The following APP variants were observed in gnomAD, a reference collection of about 807,000 sequenced individuals.
The protein encoded by APP is amyloid-beta precursor protein.
In APP, 31 loss-of-function variants were observed where a neutral mutation model predicts 101.4. That is an observed-to-expected ratio of 0.31 (90% CI 0.23 to 0.41). APP has a LOEUF of 0.41. APP is among the 10% of genes least tolerant of loss of function. The pLI is 1.00. For missense variants in APP, 839 were observed against 1,003.7 expected, an observed-to-expected ratio of 0.84 and a Z score of 2.22; for synonymous variants, 366 against 364.4, an observed-to-expected ratio of 1.00 and a Z score of -0.05.
intron 13 of APP, among the ~76,000 whole-genome samples, chr21:25,947,360 C>A (rs1474915767): frequency 6.6e-6 from 1 of 152,192 alleles, no homozygotes; most frequent in Non-Finnish European, 1.5e-5. Context: ...AGTCTGCAGA[C>A]AGACCAGTTG....
At chr21:26,085,138 T>C (rs566465847) in intron 3 of APP, among the ~76,000 whole-genome samples, 1 of 152,308 alleles carries the variant, frequency 6.6e-6, no homozygotes, top group African/African-American at 2.4e-5. Context: ...ATGTTTTCTT[T>C]TACTTAGTAT....
intron 5 of APP, among the ~76,000 whole-genome samples, chr21:26,049,222 A>G (rs1259405079): frequency 6.6e-6 from 1 of 152,144 alleles, no homozygotes; most frequent in Non-Finnish European, 1.5e-5. Context: ...AAGGGAGAGG[A>G]GATGATTGAG....
chr21:25,991,625 G>T (rs545821572), intron 8 of APP, among the ~76,000 whole-genome samples: 1 of 152,126 alleles, frequency 6.6e-6, no homozygotes, highest in Non-Finnish European at 1.5e-5. Context: ...TGATCTGCCC[G>T]CCTCGGCCTC....
chr21:25,913,525 A>C (rs1009775886), intron 13 of APP, among the ~76,000 whole-genome samples: 1 of 152,244 alleles, frequency 6.6e-6, no homozygotes, highest in Non-Finnish European at 1.5e-5. Flanking sequence ...CTTTTATATA[A>C]ATCTTTTGCT....
At chr21:26,016,750 T>G (rs939187938) in intron 6 of APP, among the ~76,000 whole-genome samples, 3 of 152,156 alleles carry the variant, frequency 2.0e-5, no homozygotes, top group African/African-American at 7.2e-5. Context: ...TTTTGTATCT[T>G]TAGTACAGAT....
intron 8 of APP, among the ~76,000 whole-genome samples, chr21:25,985,579 C>T (rs979501993): frequency 3.3e-5 from 5 of 152,120 alleles, no homozygotes; most frequent in African/African-American, 1.2e-4. Context: ...ATCATACCAC[C>T]AGCTCTCCTG....
chr21:26,132,170 C>T (rs1601539185), intron 1 of APP, among the ~76,000 whole-genome samples: 2 of 152,060 alleles, frequency 1.3e-5, no homozygotes, highest in Non-Finnish European at 2.9e-5. Context: ...TTGCTATGAT[C>T]GAGCCTGTGA....
At chr21:26,080,279 A>G (rs1354029532) in intron 3 of APP, among the ~76,000 whole-genome samples, 1 of 152,196 alleles carries the variant, frequency 6.6e-6, no homozygotes, top group Middle Eastern at 3.2e-3. Context: ...TCTCTTGGAG[A>G]AAGCTACAAC....
intron 5 of APP, among the ~76,000 whole-genome samples, chr21:26,038,680 C>T (rs1034251737): frequency 2.0e-5 from 3 of 152,136 alleles, no homozygotes; most frequent in Admixed American, 2.0e-4. Context: ...AGGAGAATTG[C>T]TTGAACTCAG....
chr21:26,104,802 A>T (rs1158320766), intron 2 of APP, among the ~76,000 whole-genome samples: 1 of 152,224 alleles, frequency 6.6e-6, no homozygotes, highest in Non-Finnish European at 1.5e-5. Flanking sequence ...TTGGAAAAAC[A>T]AATTAAACAA....
Position 25,955,772 on chromosome 21 carries a change from A to G in APP, c.1459-17T>C. 2 of 1,614,086 alleles carry G rather than the reference A, an allele frequency of 1.2e-6. No homozygotes were observed. Among genetic ancestry groups the G allele is most frequent in the Non-Finnish European group, 1.7e-6 (2 of 1,179,964 alleles). ...GTGACGAGGCTGTGGGAGGAAAATG[A>G]AAAACTCTTTTTCAAGTTTGTGCAA... On this transcript the variant is annotated splice_polypyrimidine_tract_variant and intron_variant, in intron 11 of 17. Transcript: ENST00000346798.
At chr21:25,987,988 G>GA (rs981542089) in intron 8 of APP, among the ~76,000 whole-genome samples, 1 of 152,116 alleles carries the variant, frequency 6.6e-6, no homozygotes, top group Admixed American at 6.5e-5. Context: ...AGAAAAAGAG[G>GA]AAAAAGAAAA....
intron 1 of APP, among the ~76,000 whole-genome samples, chr21:26,121,270 T>A (rs2062562982): frequency 6.6e-6 from 1 of 152,216 alleles, no homozygotes; most frequent in East Asian, 1.9e-4. Context: ...TATCCCCACA[T>A]AATTTGCAAG....
chr21:26,140,014 A>G (rs2146305383), intron 1 of APP: 1 of 684,568 alleles, frequency 1.5e-6, no homozygotes. Context: ...CATTACACCA[A>G]ATAATTTGCA....
At chr21:26,011,367 C>T (rs550018900) in intron 6 of APP, among the ~76,000 whole-genome samples, 1 of 152,204 alleles carries the variant, frequency 6.6e-6, no homozygotes, top group Admixed American at 6.5e-5. Context: ...TGAGCCACCA[C>T]GCCTGGGCTT....
At chr21:26,034,870 C>A (rs1158414937) in intron 5 of APP, among the ~76,000 whole-genome samples, 1 of 152,074 alleles carries the variant, frequency 6.6e-6, no homozygotes, top group Non-Finnish European at 1.5e-5. Context: ...AGAGAGATTA[C>A]ATTCTATGGG....
chr21:25,924,781 GAA>G (rs112870630), intron 13 of APP, among the ~76,000 whole-genome samples: 2 of 135,200 alleles, frequency 1.5e-5, no homozygotes, highest in African/African-American at 2.7e-5. Flanking sequence ...AGTAAACAAA[GAA>G]AAAAAAAAAA....
At chr21:26,006,712 T>C (rs766654091) in intron 6 of APP, among the ~76,000 whole-genome samples, 7 of 152,202 alleles carry the variant, frequency 4.6e-5, no homozygotes, top group Non-Finnish European at 7.4e-5. Flanking sequence ...TTTTAATAAA[T>C]TTAGAATGAA....
At chr21:26,093,069 T>C (rs2061862226) in intron 2 of APP, among the ~76,000 whole-genome samples, 1 of 152,206 alleles carries the variant, frequency 6.6e-6, no homozygotes, top group East Asian at 1.9e-4. Flanking sequence ...TTTTACTTTG[T>C]TCTTAAGTAT....
Sources: allele counts gnomAD v4.1 joint callset (sites outside exome capture counted in the v4.1 genomes callset), GRCh38; gene constraint gnomAD v4.1.1; transcripts MANE v1.5; gene names NCBI Gene and HGNC (gene_info 2026-07-23, HGNC 2026-07-21).